MOCS2: variants seen among roughly 807,000 people sequenced by gnomAD.
MOCS2 encodes the protein molybdopterin synthase catalytic subunit.
A neutral mutation model predicts 21.9 loss-of-function variants in MOCS2; 13 were observed. The observed-to-expected ratio is 0.59, with a 90% CI of 0.39 to 0.94. The LOEUF (loss-of-function observed/expected upper bound fraction) is 0.94. Ranked by LOEUF, MOCS2 falls within the 40% of genes least tolerant of loss-of-function variation. MOCS2 has a pLI of 0.00. For synonymous variants in MOCS2, 92 were observed against 80.8 expected, an observed-to-expected ratio of 1.14 and a Z score of -0.74; for missense variants, 227 against 218.3, an observed-to-expected ratio of 1.04 and a Z score of -0.25.
intron 3 of MOCS2, among the ~76,000 whole-genome samples, chr5:53,106,180 C>T (rs376709975): frequency 1.3e-5 from 2 of 152,136 alleles, no homozygotes; most frequent in East Asian, 1.9e-4. Context: ...ACCACTCAAC[C>T]CAGCAATCCC....
chr5:53,103,046 T>C (rs759447321), intron 3 of MOCS2, among the ~76,000 whole-genome samples: 13 of 152,186 alleles, frequency 8.5e-5, no homozygotes, highest in Non-Finnish European at 1.6e-4. Context: ...CCTCTTAATG[T>C]TTTATCTGAC....
rs1740794431 is a variant in MOCS2 at position 53,098,058 on chromosome 5, ACT to A, written c.*542_*543del. ...TAGGCAATTTAAAAAAAAAGAAAAT[ACT>A]CTTTTTAAACTTTTGAAATCATGGG... On this transcript the variant is annotated 3_prime_UTR_variant, in exon 7 of 7. Coordinates refer to ENST00000396954, the MANE Select transcript of MOCS2 (RefSeq NM_004531.5). 6.6e-6 allele frequency: 1 copy of A among 152,080 alleles called. No homozygotes were observed. The highest frequency in any genetic ancestry group is 1.5e-5 in the Non-Finnish European group (1 of 68,136). The allele number at this position is 152,080 out of a possible 1,614,324, so 9.4% of individuals were successfully genotyped here. A position where few individuals can be genotyped will look rare whatever the true frequency, so the allele number is the denominator to read the frequency against.
chr5:53,109,731 C>T lies in MOCS2; in HGVS notation c.-650G>A. On this transcript the variant is annotated 5_prime_UTR_variant, in exon 1 of 7. Transcript: ENST00000396954. ...CCTTACCTGGCACAGCGGCACCATCCCGCCTAGGACAGCGGGACCGAATCA... is the reference window on the plus strand; with the variant it reads ...CCTTACCTGGCACAGCGGCACCATCTCGCCTAGGACAGCGGGACCGAATCA... The T allele has an allele frequency of 1.9e-6, 3 of 1,550,722 alleles. No individual in the cohort carries two copies. Among genetic ancestry groups the T allele is most frequent in the South Asian group, 1.2e-5 (1 of 84,066 alleles).
chr5:53,103,938 T>C (rs1740984897), intron 3 of MOCS2, among the ~76,000 whole-genome samples: 3 of 152,266 alleles, frequency 2.0e-5, no homozygotes, highest in East Asian at 1.9e-4. Context: ...CTCCAGAACC[T>C]AGAACGAACG....
Position 53,109,594 on chromosome 5 carries a change from T to C in MOCS2, c.-513A>G, listed in dbSNP as rs962444569. The C allele has an allele frequency of 7.5e-6, 11 of 1,469,628 alleles. No homozygotes were observed. Among genetic ancestry groups the C allele is most frequent in the African/African-American group, 5.7e-5 (4 of 69,656 alleles). The allele number at this position is 1,469,628 out of a possible 1,614,324, so 91.0% of individuals were successfully genotyped here. A position where few individuals can be genotyped will look rare whatever the true frequency, so the allele number is the denominator to read the frequency against. ...CCCCGAACCCAAGACGCCGGCCAGG[T>C]TGGGGGCTAGTGGGGAGGTCCGACT... On this transcript the variant is annotated 5_prime_UTR_variant, in exon 1 of 7. Coordinates refer to ENST00000396954, the MANE Select transcript of MOCS2 (RefSeq NM_004531.5).
intron 5 of MOCS2, 128 bp from the exon 6 acceptor site, chr5:53,100,662 T>A: frequency 8.2e-6 from 8 of 975,872 alleles, no homozygotes; most frequent in Non-Finnish European, 1.2e-5. Flanking sequence ...CTATTTTACG[T>A]AAACATACAG....
At position 53,098,363 on chromosome 5, in the gene MOCS2, C is replaced by T. The variant is rs1740809071; in HGVS notation, c.*239G>A. On this transcript the variant is annotated 3_prime_UTR_variant, in exon 7 of 7. Coordinates refer to ENST00000396954, the MANE Select transcript of MOCS2 (RefSeq NM_004531.5). The stretch of plus-strand genomic sequence containing the variant: ...GGACATGTCTACCACAGATATCTTT[C>T]CTCACATTTAAATTATTCCATTTCT... 1 of 545,772 alleles carries T rather than the reference C, an allele frequency of 1.8e-6. No homozygotes were observed. The highest frequency in any genetic ancestry group is 1.9e-5 in the African/African-American group (1 of 52,786). The allele number at this position is 545,772 out of a possible 1,614,324, so 33.8% of individuals were successfully genotyped here. A position where few individuals can be genotyped will look rare whatever the true frequency, so the allele number is the denominator to read the frequency against.
At chr5:53,104,828 T>C (rs967667861) in intron 3 of MOCS2, among the ~76,000 whole-genome samples, 1 of 152,210 alleles carries the variant, frequency 6.6e-6, no homozygotes, top group East Asian at 1.9e-4. Flanking sequence ...ATAAAAATCC[T>C]ATCAAATTAA....
chr5:53,102,289 G>A (rs1740935746), intron 3 of MOCS2, 65 bp from the exon 4 acceptor site: 3 of 1,444,514 alleles, frequency 2.1e-6, no homozygotes, highest in Non-Finnish European at 2.9e-6. Flanking sequence ...ACAACTTATA[G>A]GCTCTTTCAA....
At chr5:53,108,447 T>C (rs1741110663) in intron 2 of MOCS2, 75 bp downstream of exon 2, 8 of 1,409,498 alleles carry the variant, frequency 5.7e-6, no homozygotes, top group South Asian at 1.3e-5. Context: ...GAAATTAACC[T>C]TTTTACTTTT....
chr5:53,108,429 C>A (rs562883951), intron 2 of MOCS2, 93 bp downstream of exon 2: 2 of 1,273,040 alleles, frequency 1.6e-6, no homozygotes, highest in Admixed American at 2.4e-5. Context: ...ACATTAAGCA[C>A]GGAAATCGAA....
At chr5:53,106,172 C>T (rs1741042813) in intron 3 of MOCS2, among the ~76,000 whole-genome samples, 2 of 152,068 alleles carry the variant, frequency 1.3e-5, no homozygotes, top group African/African-American at 4.8e-5. Context: ...ACTGAAATAC[C>T]ACTCAACCCA....
At position 53,097,050 on chromosome 5, in the gene MOCS2, G is replaced by C. The variant is rs548937263; in HGVS notation, c.*1552C>G. 1.3e-5 allele frequency: 2 copies of C among 152,344 alleles called. No homozygotes were observed. Among genetic ancestry groups the C allele is most frequent in the African/African-American group, 4.8e-5 (2 of 41,562 alleles). The allele number at this position is 152,344 out of a possible 1,614,324, so 9.4% of individuals were successfully genotyped here. ...AACACCCACCCCTTCTCTCCAATGG[G>C]GACAGGCGGAAGCTCGATGGCAAGC... On this transcript the variant is annotated 3_prime_UTR_variant, in exon 7 of 7. Transcript: ENST00000396954.
rs1475050835 is a variant in MOCS2 at position 53,098,562 on chromosome 5, T to C, written c.*40A>G. On this transcript the variant is annotated 3_prime_UTR_variant, in exon 7 of 7. Transcript: ENST00000396954. ...TCAAAATGTGATCAATAATAATAGT[T>C]TAACAAAGTTAAGATTGCATGCTCT... 2 of 1,554,438 alleles carry C rather than the reference T, an allele frequency of 1.3e-6. No homozygotes were observed. The highest frequency in any genetic ancestry group is 1.8e-6 in the Non-Finnish European group (2 of 1,125,974).
In MOCS2 at chr5:53,109,678, C is replaced by A. The variant is rs753511755; in HGVS notation, c.-597G>T. The A allele has an allele frequency of 2.6e-6, 4 of 1,551,630 alleles. No individual in the cohort carries two copies. Among genetic ancestry groups the A allele is most frequent in the African/African-American group, 1.4e-5 (1 of 72,958 alleles). On this transcript the variant is annotated 5_prime_UTR_variant, in exon 1 of 7. Transcript: ENST00000396954. ...GAGAGACACGTCGAGGAGGGCTCCGCACCCAGGCCCGCACGCACACCCGCC... is the reference window on the plus strand; with the variant it reads ...GAGAGACACGTCGAGGAGGGCTCCGAACCCAGGCCCGCACGCACACCCGCC...
intron 2 of MOCS2, chr5:53,107,456 G>C (rs1166746518): frequency 2.0e-6 from 1 of 494,360 alleles, no homozygotes; most frequent in African/African-American, 1.9e-5. Context: ...GTATGCCTTG[G>C]GGAATTAAAC....
rs961531672 is a variant in MOCS2 at position 53,097,598 on chromosome 5, T to C, written c.*1004A>G. ...TATGAGCTATGTGTTTACCTGAAAT[T>C]TGCTGAGAGTAGACCTTAAATATTC... is the stretch of plus-strand genomic sequence containing the variant. On this transcript the variant is annotated 3_prime_UTR_variant, in exon 7 of 7. Transcript: ENST00000396954. The C allele has an allele frequency of 3.3e-5, 5 of 152,304 alleles. No individual in the cohort carries two copies. Among genetic ancestry groups the C allele is most frequent in the Non-Finnish European group, 7.4e-5 (5 of 68,026 alleles). The allele number at this position is 152,304 out of a possible 1,614,324, so 9.4% of individuals were successfully genotyped here.
At chr5:53,102,370 T>A in intron 3 of MOCS2, 146 bp from the exon 4 acceptor site, 2 of 807,962 alleles carry the variant, frequency 2.5e-6, no homozygotes, top group Non-Finnish European at 1.9e-6. Context: ...TTTACATGAG[T>A]CAAATCAAGG....
intron 6 of MOCS2, among the ~76,000 whole-genome samples, chr5:53,099,439 G>A (rs77969780): frequency 6.6e-6 from 1 of 152,000 alleles, no homozygotes; most frequent in East Asian, 1.9e-4. Flanking sequence ...CCTACCTCTC[G>A]CTCTCTGGGG....
Sources: allele counts gnomAD v4.1 joint callset (sites outside exome capture counted in the v4.1 genomes callset), GRCh38; gene constraint gnomAD v4.1.1; transcripts MANE v1.5; gene names NCBI Gene and HGNC (gene_info 2026-07-23, HGNC 2026-07-21).